Variants in DLGAP1 observed in about 807,000 individuals in gnomAD.
DLGAP1 encodes the protein DLG associated protein 1.
DLGAP1 carries 11 observed loss-of-function variants against 90.8 expected under a neutral mutation model. The observed-to-expected ratio is 0.12, with a 90% CI of 0.08 to 0.20. The LOEUF (loss-of-function observed/expected upper bound fraction) is 0.20, where lower values mean the gene tolerates loss of function less well. DLGAP1 is among the 10% of genes least tolerant of loss of function. DLGAP1 has a pLI of 1.00. For synonymous variants in DLGAP1, 558 were observed against 540.7 expected, an observed-to-expected ratio of 1.03 and a Z score of -0.44; for missense variants, 1,050 against 1,333.8, an observed-to-expected ratio of 0.79 and a Z score of 3.31.
chr18:3,591,101 C>T (rs2056213072), intron 7 of DLGAP1, among the ~76,000 whole-genome samples: 1 of 151,976 alleles, frequency 6.6e-6, no homozygotes, highest in African/African-American at 2.4e-5. Flanking sequence ...CAAACTGGTC[C>T]CTTACCAGAG....
intron 2 of DLGAP1, among the ~76,000 whole-genome samples, chr18:4,069,839 T>G (rs2075421990): frequency 6.6e-6 from 1 of 152,232 alleles, no homozygotes; most frequent in African/African-American, 2.4e-5. Flanking sequence ...TTGTTTCTCA[T>G]GAGGTGCCCT....
At chr18:3,740,365 A>T (rs1478999967) in intron 6 of DLGAP1, among the ~76,000 whole-genome samples, 1 of 152,156 alleles carries the variant, frequency 6.6e-6, no homozygotes, top group Non-Finnish European at 1.5e-5. Context: ...AATGTATATC[A>T]TTGGACAAGC....
chr18:4,180,989 C>T (rs2077197702), intron 1 of DLGAP1, among the ~76,000 whole-genome samples: 1 of 123,712 alleles, frequency 8.1e-6, no homozygotes, highest in African/African-American at 3.3e-5. Flanking sequence ...TACTAATGGA[C>T]AGAGATACTG....
At chr18:4,401,820 T>TAACAA (rs76625118) in intron 1 of DLGAP1, among the ~76,000 whole-genome samples, 14,307 of 152,260 alleles carry the variant, frequency 0.094, 1,204 homozygotes, top group African/African-American at 0.23. Flanking sequence ...AAATATGCCT[T>TAACAA]AACAATTTTT....
intron 7 of DLGAP1, among the ~76,000 whole-genome samples, chr18:3,600,767 T>TATATAGATATATAG (rs1568277897): frequency 2.8e-5 from 1 of 35,286 alleles, no homozygotes; most frequent in African/African-American, 1.7e-4. Context: ...GATATATAGA[T>TATATAGATATATAG]ATATATAGAT....
intron 2 of DLGAP1, among the ~76,000 whole-genome samples, chr18:4,025,592 C>T (rs1229928236): frequency 6.6e-6 from 1 of 152,064 alleles, no homozygotes; most frequent in African/African-American, 2.4e-5. Flanking sequence ...ACTCTAAAGG[C>T]CCTTTTCATT....
intron 4 of DLGAP1, among the ~76,000 whole-genome samples, chr18:3,860,938 C>T (rs1416831670): frequency 2.0e-5 from 3 of 152,232 alleles, no homozygotes; most frequent in Non-Finnish European, 4.4e-5. Context: ...TCCTTCCTTA[C>T]TTACAATCCA....
intron 4 of DLGAP1, among the ~76,000 whole-genome samples, chr18:3,826,413 G>T (rs560075519): frequency 2.0e-5 from 3 of 152,276 alleles, no homozygotes; most frequent in Non-Finnish European, 4.4e-5. Context: ...AGGAGAGGTG[G>T]GTGGTGGGAT....
At chr18:3,696,201 C>T (rs915240906) in intron 7 of DLGAP1, among the ~76,000 whole-genome samples, 8 of 152,144 alleles carry the variant, frequency 5.3e-5, no homozygotes, top group African/African-American at 9.7e-5. Flanking sequence ...TTTCTCTTGC[C>T]TGATTGCCCT....
At chr18:3,941,012 A>G (rs1568311042) in intron 3 of DLGAP1, among the ~76,000 whole-genome samples, 1 of 152,158 alleles carries the variant, frequency 6.6e-6, no homozygotes, top group Non-Finnish European at 1.5e-5. Context: ...CGGTGGGAGA[A>G]GTGAACACCT....
chr18:3,892,475 C>G (rs1056950594), intron 3 of DLGAP1, among the ~76,000 whole-genome samples: 4 of 152,188 alleles, frequency 2.6e-5, no homozygotes, highest in Admixed American at 1.3e-4. Flanking sequence ...ATTCTCTATA[C>G]AAATTCTTAT....
At chr18:3,812,876 A>G (rs1235279667) in intron 5 of DLGAP1, among the ~76,000 whole-genome samples, 1 of 152,132 alleles carries the variant, frequency 6.6e-6, no homozygotes, top group Non-Finnish European at 1.5e-5. Context: ...GCCTTTTAAT[A>G]TTTTATTTAG....
intron 7 of DLGAP1, chr18:3,597,337 A>G (rs1303035982): frequency 1.2e-5 from 5 of 430,756 alleles, no homozygotes; most frequent in East Asian, 1.3e-4. Flanking sequence ...CCCGGCTGCT[A>G]TATGTCTGGT....
At chr18:4,304,515 A>G (rs660205) in intron 1 of DLGAP1, among the ~76,000 whole-genome samples, 152,354 of 152,384 alleles carry the variant, frequency 1, 76,162 homozygotes, top group Non-Finnish European at 1. Context: ...TTGGAAAGAT[A>G]TAATTAGTTA....
chr18:3,810,570 A>G (rs1172115484), intron 5 of DLGAP1, among the ~76,000 whole-genome samples: 1 of 152,304 alleles, frequency 6.6e-6, no homozygotes, highest in East Asian at 1.9e-4. Context: ...TCAAAGAAGT[A>G]GGAACATAAA....
At chr18:4,382,412 A>G (rs1212754603) in intron 1 of DLGAP1, among the ~76,000 whole-genome samples, 1 of 151,786 alleles carries the variant, frequency 6.6e-6, no homozygotes, top group Admixed American at 6.6e-5. Context: ...ATATTTTGAA[A>G]TTTTTTCTCT....
intron 3 of DLGAP1, among the ~76,000 whole-genome samples, chr18:3,942,445 G>A (rs754695191): frequency 5.3e-5 from 8 of 152,182 alleles, no homozygotes; most frequent in Non-Finnish European, 2.9e-5. Context: ...TTCAGAATAC[G>A]TTTTCCAGGT....
At position 4,454,412 on chromosome 18, in the gene DLGAP1, C is replaced by CTA. The variant is rs1018872891; in HGVS notation, c.-267+593_-267+594insTA. 5.9e-5 allele frequency among the ~76,000 whole-genome samples: 9 copies of CTA among 152,030 alleles called. No individual in the cohort carries two copies. The highest frequency in any genetic ancestry group is 1.9e-4 in the East Asian group (1 of 5,170). Reference sequence around the variant, plus strand: ...CCTCCTCCTTGGACCCCATTTCTCTCTCTCTCTCTCTCTCTGTGCCTGTCT... The same window carrying CTA: ...CCTCCTCCTTGGACCCCATTTCTCTCTATCTCTCTCTCTCTCTGTGCCTGTCT... On this transcript the variant is annotated intron_variant, in intron 1 of 12. Transcript: ENST00000315677. The surrounding 1 kb of genome is among the most constrained non-coding windows in gnomAD (Gnocchi z 4.7).
chr18:3,905,366 CAAA>C (rs71160924), intron 3 of DLGAP1, among the ~76,000 whole-genome samples: 2 of 19,820 alleles, frequency 1.0e-4, no homozygotes, highest in Non-Finnish European at 1.8e-4. Flanking sequence ...GACTCCATCT[CAAA>C]AAAAAAAAAA....
Sources: gnomAD v4.1 joint callset for allele counts (sites outside exome capture counted in the v4.1 genomes callset) on GRCh38, gnomAD v4.1.1 for gene constraint, Gnocchi (gnomAD v3.1) non-coding constraint, MANE v1.5 for transcripts, NCBI Gene and HGNC (gene_info 2026-07-23, HGNC 2026-07-21) for gene names.